ERBB4: variants seen among roughly 807,000 people sequenced by gnomAD.
ERBB4 encodes erb-b2 receptor tyrosine kinase 4.
In ERBB4, 42 loss-of-function variants were observed where a neutral mutation model predicts 158.0. The observed-to-expected ratio is 0.27, with a 90% CI of 0.21 to 0.34. ERBB4 has a LOEUF of 0.34. Among genes scored for constraint, ERBB4 ranks in the 10% least tolerant of loss-of-function variants. The pLI is 1.00. For missense variants in ERBB4, 1,333 were observed against 1,624.1 expected (o/e 0.82, Z 3.08); for synonymous variants, 583 against 558.7 (o/e 1.04, Z -0.61).
intron 1 of ERBB4, among the ~76,000 whole-genome samples, chr2:212,413,134 AT>A (rs370397826): frequency 0.032 from 3,200 of 101,248 alleles, 57 homozygotes; most frequent in African/African-American, 0.1. Flanking sequence ...TGCGTGGCTA[AT>A]TTTTTTTTTT....
intron 1 of ERBB4, among the ~76,000 whole-genome samples, chr2:212,149,711 T>C (rs896304916): frequency 6.6e-6 from 1 of 152,212 alleles, no homozygotes; most frequent in Non-Finnish European, 1.5e-5. Flanking sequence ...TTTTTCATCC[T>C]CAAACTGAAT....
intron 1 of ERBB4, among the ~76,000 whole-genome samples, chr2:212,220,998 C>T (rs915697144): frequency 2.0e-5 from 3 of 151,550 alleles, no homozygotes; most frequent in Admixed American, 6.6e-5. Flanking sequence ...ACATCCAATT[C>T]CTGACATTTT....
At chr2:211,405,617 C>A (rs1306194084) in intron 25 of ERBB4, among the ~76,000 whole-genome samples, 1 of 152,138 alleles carries the variant, frequency 6.6e-6, no homozygotes, top group Non-Finnish European at 1.5e-5. Context: ...GTCCTTTCTT[C>A]CTTTCACATA....
chr2:211,958,215 T>A (rs2081083725), intron 2 of ERBB4, among the ~76,000 whole-genome samples: 1 of 152,112 alleles, frequency 6.6e-6, no homozygotes, highest in African/African-American at 2.4e-5. Context: ...TCTCCTCTAG[T>A]GACAACAAGG....
At chr2:211,966,163 G>A (rs1029674914) in intron 2 of ERBB4, among the ~76,000 whole-genome samples, 5 of 152,082 alleles carry the variant, frequency 3.3e-5, no homozygotes, top group Admixed American at 6.6e-5. Context: ...GCAGTGAGCC[G>A]TTTTCACGCC....
At chr2:211,721,634 T>TATATATATATATATATATAG (rs2074098303) in intron 7 of ERBB4, among the ~76,000 whole-genome samples, 1 of 148,112 alleles carries the variant, frequency 6.8e-6, no homozygotes, top group Non-Finnish European at 1.5e-5. Context: ...TATATATATA[T>TATATATATATATATATATAG]ATATATATAT....
intron 1 of ERBB4, among the ~76,000 whole-genome samples, chr2:212,396,211 C>T (rs905464761): frequency 3.3e-5 from 5 of 152,094 alleles, no homozygotes; most frequent in African/African-American, 1.2e-4. Flanking sequence ...CCAGAGGAGT[C>T]CTTATAAGAT....
chr2:211,715,221 G>T (rs111251509), intron 7 of ERBB4, among the ~76,000 whole-genome samples: 2 of 152,280 alleles, frequency 1.3e-5, no homozygotes, highest in African/African-American at 4.8e-5. Context: ...AGAAGAAAGG[G>T]AATCTGGTGC....
At chr2:211,646,549 C>T (rs1457412532) in intron 16 of ERBB4, among the ~76,000 whole-genome samples, 1 of 151,484 alleles carries the variant, frequency 6.6e-6, no homozygotes, top group Non-Finnish European at 1.5e-5. Flanking sequence ...TATTTGAAAG[C>T]ATATAAAAAC....
chr2:211,528,773 A>G (rs2066417648), intron 20 of ERBB4, among the ~76,000 whole-genome samples: 1 of 152,024 alleles, frequency 6.6e-6, no homozygotes, highest in African/African-American at 2.4e-5. Context: ...GTCGATGAAG[A>G]CATTTTTTAA....
At chr2:211,446,040 G>A (rs943806016) in intron 20 of ERBB4, among the ~76,000 whole-genome samples, 2 of 152,200 alleles carry the variant, frequency 1.3e-5, no homozygotes, top group African/African-American at 4.8e-5. Context: ...GATGGGGGGA[G>A]CTAATGTTTT....
chr2:212,056,695 G>A (rs1392578946), intron 2 of ERBB4, among the ~76,000 whole-genome samples: 1 of 152,088 alleles, frequency 6.6e-6, no homozygotes, highest in Non-Finnish European at 1.5e-5. Context: ...CTAAGTGAAG[G>A]AGAAATAAAG....
At chr2:211,774,111 C>T (rs1423655024) in intron 4 of ERBB4, among the ~76,000 whole-genome samples, 3 of 150,800 alleles carry the variant, frequency 2.0e-5, no homozygotes, top group African/African-American at 4.9e-5. Context: ...CTCCCTCTGT[C>T]GCCCAGGCTG....
At chr2:211,778,413 TTA>T (rs1282324391) in intron 4 of ERBB4, 1 of 152,004 alleles carries the variant, frequency 6.6e-6, no homozygotes, top group African/African-American at 2.4e-5. Flanking sequence ...TGCTAGGAGA[TTA>T]TCAGATCTAC....
At chr2:211,709,876 C>G (rs2073626161) in intron 9 of ERBB4, among the ~76,000 whole-genome samples, 1 of 152,106 alleles carries the variant, frequency 6.6e-6, no homozygotes, top group South Asian at 2.1e-4. Flanking sequence ...AACAATGTGT[C>G]TGGCTAGTGG....
chr2:211,944,193 ATATATACT>A lies in ERBB4; in HGVS notation c.421+3229_421+3236del, dbSNP rs2080604827. On this transcript the variant is annotated intron_variant, in intron 3 of 27. Coordinates refer to ENST00000342788, the MANE Select transcript of ERBB4 (RefSeq NM_005235.3). ...ATATATATACTATATATATATATATATATATACTATATATATATATACACACACACACA... is the reference window on the plus strand; with the variant it reads ...ATATATATACTATATATATATATATAATATATATATATACACACACACACA... Among the ~76,000 whole-genome samples the A allele has an allele frequency of 4.6e-5, 3 of 64,572 alleles. No individual in the cohort carries two copies. The South Asian group carries it at 1.0e-3, about 22-fold the overall frequency. The allele number at this position is 64,572 out of a possible 152,430, so 42.4% of individuals were successfully genotyped here.
intron 25 of ERBB4, among the ~76,000 whole-genome samples, chr2:211,406,259 C>T (rs2063145738): frequency 6.6e-6 from 1 of 152,148 alleles, no homozygotes; most frequent in Non-Finnish European, 1.5e-5. Context: ...GGCACAACTG[C>T]ATATGGCTCT....
intron 2 of ERBB4, among the ~76,000 whole-genome samples, chr2:212,077,767 T>G (rs7597057): frequency 0.085 from 12,872 of 152,128 alleles, 613 homozygotes; most frequent in Middle Eastern, 0.12. Context: ...ATTTCTGTGT[T>G]TCTTATATTT....
chr2:211,783,247 A>C (rs1180783411), intron 4 of ERBB4, among the ~76,000 whole-genome samples: 15 of 152,360 alleles, frequency 9.8e-5, no homozygotes, highest in African/African-American at 2.9e-4. Flanking sequence ...GAAGTTGCTT[A>C]TCAGCTTAAG....
Sources: gnomAD v4.1 joint callset for allele counts (sites outside exome capture counted in the v4.1 genomes callset) on GRCh38, gnomAD v4.1.1 for gene constraint, MANE v1.5 for transcripts, NCBI Gene and HGNC (gene_info 2026-07-23, HGNC 2026-07-21) for gene names.